The following KAZN variants were observed in gnomAD, a reference collection of about 807,000 sequenced individuals.
The protein encoded by KAZN is kazrin, periplakin interacting protein.
In KAZN, 40 loss-of-function variants were observed where a neutral mutation model predicts 87.4. The ratio of observed to expected loss-of-function variants is 0.46; its 90% confidence interval spans 0.36 to 0.60. The LOEUF (loss-of-function observed/expected upper bound fraction) is 0.60. KAZN is among the 20% of genes least tolerant of loss of function. KAZN has a pLI of 0.00. For missense variants in KAZN, 898 were observed against 1,073.9 expected, an observed-to-expected ratio of 0.84 and a Z score of 2.29; for synonymous variants, 466 against 458.3, an observed-to-expected ratio of 1.02 and a Z score of -0.22.
At chr1:13,990,998 C>T (rs988046758) in intron 1 of KAZN, among the ~76,000 whole-genome samples, 2 of 151,704 alleles carry the variant, frequency 1.3e-5, no homozygotes, top group African/African-American at 4.8e-5. Context: ...TTTTTCCGAG[C>T]TCTGTGGTTT....
intron 1 of KAZN, among the ~76,000 whole-genome samples, chr1:14,759,655 T>A (rs1300701182): frequency 6.6e-6 from 1 of 152,182 alleles, no homozygotes; most frequent in Non-Finnish European, 1.5e-5. Context: ...TAATATTTCA[T>A]GACCACTGGC....
intron 2 of KAZN, among the ~76,000 whole-genome samples, chr1:14,552,702 T>C (rs1249626293): frequency 6.6e-6 from 1 of 152,220 alleles, no homozygotes; most frequent in African/African-American, 2.4e-5. Context: ...AGGCAACAGT[T>C]GGGCAAAAGA....
At chr1:14,257,215 G>A (rs1650588327) in intron 2 of KAZN, among the ~76,000 whole-genome samples, 1 of 151,854 alleles carries the variant, frequency 6.6e-6, no homozygotes, top group African/African-American at 2.4e-5. Context: ...TTTCTCTGAT[G>A]GCCAGTGATG....
intron 2 of KAZN, among the ~76,000 whole-genome samples, chr1:14,977,581 T>C (rs1665777775): frequency 6.6e-6 from 1 of 152,246 alleles, no homozygotes; most frequent in East Asian, 1.9e-4. Flanking sequence ...GGAGAATTCA[T>C]GTGCCTGCCG....
At chr1:14,435,952 A>C (rs1288160940) in intron 2 of KAZN, among the ~76,000 whole-genome samples, 2 of 152,198 alleles carry the variant, frequency 1.3e-5, no homozygotes, top group Admixed American at 6.5e-5. Flanking sequence ...CACTGTGCTT[A>C]ACACAAACTA....
chr1:14,094,207 A>G (rs766166852), intron 1 of KAZN, among the ~76,000 whole-genome samples: 6 of 152,044 alleles, frequency 3.9e-5, no homozygotes, highest in Non-Finnish European at 7.3e-5. Flanking sequence ...TTTCCTTCTG[A>G]TGCTGCTTCT....
At chr1:14,183,406 G>T (rs911351502) in intron 2 of KAZN, among the ~76,000 whole-genome samples, 2 of 152,116 alleles carry the variant, frequency 1.3e-5, no homozygotes, top group Non-Finnish European at 2.9e-5. Flanking sequence ...GAGCATGGAG[G>T]TGTCTGAAGA....
chr1:14,906,289 C>T (rs1218894999), intron 1 of KAZN, among the ~76,000 whole-genome samples: 1 of 152,078 alleles, frequency 6.6e-6, no homozygotes, highest in East Asian at 1.9e-4. Context: ...TTTCACAGTC[C>T]ACATGGTTGC....
intron 2 of KAZN, among the ~76,000 whole-genome samples, chr1:14,216,835 C>T (rs149869189): frequency 0.027 from 4,072 of 152,102 alleles, 179 homozygotes; most frequent in African/African-American, 0.092. Context: ...ACCCAGGAGG[C>T]GGAGGCTTCA....
At chr1:14,158,164 C>T (rs1044691050) in intron 1 of KAZN, among the ~76,000 whole-genome samples, 14 of 152,148 alleles carry the variant, frequency 9.2e-5, no homozygotes, top group African/African-American at 2.9e-4. Context: ...TGGAAGTTCT[C>T]TGTTATTATC....
intron 1 of KAZN, among the ~76,000 whole-genome samples, chr1:14,733,529 G>C (rs564225799): frequency 6.6e-6 from 1 of 152,100 alleles, no homozygotes; most frequent in African/African-American, 2.4e-5. Flanking sequence ...CTTCAGAGTC[G>C]GGCAGAGATG....
intron 1 of KAZN, among the ~76,000 whole-genome samples, chr1:14,782,554 C>CAAAAAAAA (rs71572122): frequency 2.0e-3 from 135 of 66,200 alleles, no homozygotes; most frequent in Admixed American, 3.4e-3. Flanking sequence ...CCTCAAAGAG[C>CAAAAAAAA]AAAAAAAAAA....
chr1:14,027,816 G>A (rs4579751), intron 1 of KAZN, among the ~76,000 whole-genome samples: 36,028 of 152,044 alleles, frequency 0.24, 5,626 homozygotes, highest in African/African-American at 0.45. Flanking sequence ...TTGACATGCA[G>A]CATCTCTCTC....
intron 1 of KAZN, among the ~76,000 whole-genome samples, chr1:14,682,140 C>G (rs1382127856): frequency 6.6e-6 from 1 of 152,114 alleles, no homozygotes; most frequent in Admixed American, 6.6e-5. Flanking sequence ...CCCTTCCTTC[C>G]AGGCCCTGGC....
chr1:14,859,476 C>T (rs1014499050), intron 1 of KAZN, among the ~76,000 whole-genome samples: 8 of 152,138 alleles, frequency 5.3e-5, no homozygotes, highest in Non-Finnish European at 1.0e-4. Context: ...TGATTGTGTA[C>T]ATTTTTGAAA....
At chr1:14,130,546 G>A (rs917986060) in intron 1 of KAZN, among the ~76,000 whole-genome samples, 16 of 98,400 alleles carry the variant, frequency 1.6e-4, no homozygotes, top group African/African-American at 8.2e-4. Flanking sequence ...CTTTTGGGGT[G>A]GAGGGAGGAG....
At chr1:14,812,065 T>C (rs943458877) in intron 1 of KAZN, among the ~76,000 whole-genome samples, 4 of 152,302 alleles carry the variant, frequency 2.6e-5, no homozygotes, top group African/African-American at 9.6e-5. Context: ...CTGCTTAAGA[T>C]GTTAGAAGGG....
intron 1 of KAZN, among the ~76,000 whole-genome samples, chr1:13,971,954 GC>G (rs1642152895): frequency 6.6e-6 from 1 of 152,120 alleles, no homozygotes; most frequent in South Asian, 2.1e-4. Flanking sequence ...AGAGGCTGAT[GC>G]TGCCATGCTT....
Position 15,077,946 on chromosome 1 carries a change from T to C in KAZN, c.1222+12193T>C, listed in dbSNP as rs1431371608. Among the ~76,000 whole-genome samples, 1 of 152,170 alleles carries C rather than the reference T, an allele frequency of 6.6e-6. No homozygotes were observed. The highest frequency in any genetic ancestry group is 1.9e-4 in the East Asian group (1 of 5,196). The stretch of plus-strand genomic sequence containing the variant: ...GCATTTGATGTACACTCATTAAGTC[T>C]TTCAACGAACACTGACTGAATGTTT... On this transcript the variant is annotated intron_variant, in intron 8 of 14. Transcript: ENST00000376030. The surrounding 1 kb of genome is among the most constrained non-coding windows in gnomAD (Gnocchi z 4.8).
Sources: gnomAD v4.1 joint callset for allele counts (sites outside exome capture counted in the v4.1 genomes callset) on GRCh38, gnomAD v4.1.1 for gene constraint, Gnocchi (gnomAD v3.1) non-coding constraint, MANE v1.5 for transcripts, NCBI Gene and HGNC (gene_info 2026-07-23, HGNC 2026-07-21) for gene names.